Variants in MGAT4C observed in about 807,000 individuals in gnomAD.
MGAT4C encodes the protein alpha-1,3-mannosyl-glycoprotein 4-beta-N-acetylglucosaminyltransferase C.
MGAT4C carries 19 observed loss-of-function variants against 40.1 expected under a neutral mutation model. The ratio of observed to expected loss-of-function variants is 0.47; its 90% CI spans 0.33 to 0.70. The LOEUF (loss-of-function observed/expected upper bound fraction) is 0.70, where lower values mean the gene tolerates loss of function less well. Among genes scored for constraint, MGAT4C ranks in the 30% least tolerant of loss-of-function variants. The probability of loss-of-function intolerance (pLI) is 0.02; values close to 1 mark genes in which losing one functional copy is unlikely to be tolerated. For synonymous variants in MGAT4C, 181 were observed against 187.1 expected, an observed-to-expected ratio of 0.97 and a Z score of 0.27; for missense variants, 491 against 563.2, an observed-to-expected ratio of 0.87 and a Z score of 1.30.
intron 4 of MGAT4C, among the ~76,000 whole-genome samples, chr12:86,282,615 A>T (rs2406124): frequency 0.65 from 99,281 of 151,870 alleles, 33,234 homozygotes; most frequent in South Asian, 0.78. Context: ...TATCTAGTAA[A>T]TATTTATTAC....
chr12:86,557,680 C>A (rs773105146), intron 2 of MGAT4C, among the ~76,000 whole-genome samples: 1 of 152,092 alleles, frequency 6.6e-6, no homozygotes, highest in Non-Finnish European at 1.5e-5. Context: ...AGAATCAAAG[C>A]CAAAACACTG....
intron 4 of MGAT4C, among the ~76,000 whole-genome samples, chr12:86,294,326 A>T (rs1032376730): frequency 1.3e-5 from 2 of 150,340 alleles, no homozygotes; most frequent in Non-Finnish European, 2.9e-5. Context: ...TTCGTCTATC[A>T]TGGGGGAAAA....
At chr12:86,697,524 G>T (rs775622851) in intron 2 of MGAT4C, among the ~76,000 whole-genome samples, 3 of 151,870 alleles carry the variant, frequency 2.0e-5, no homozygotes, top group Admixed American at 2.0e-4. Context: ...TTTATCCAAG[G>T]TGTTACACAA....
Position 85,971,030 on chromosome 12 carries a change from T to C in MGAT4C, c.*8259A>G, listed in dbSNP as rs1565792550. 6.6e-6 allele frequency: 1 copy of C among 151,128 alleles called. No individual in the cohort carries two copies. Among genetic ancestry groups the C allele is most frequent in the Admixed American group, 6.6e-5 (1 of 15,116 alleles). 9.4% of individuals were successfully genotyped at this position (151,128 alleles called of 1,614,324 possible). A position where few individuals can be genotyped will look rare whatever the true frequency, so the allele number is the denominator to read the frequency against. ...AAAATTTCATATTATGAGAGCAATATGTAAATTTCATTGCAACAATGGTTA... is the reference window on the plus strand; with the variant it reads ...AAAATTTCATATTATGAGAGCAATACGTAAATTTCATTGCAACAATGGTTA... On this transcript the variant is annotated 3_prime_UTR_variant, in exon 5 of 5. Transcript: ENST00000611864.
intron 2 of MGAT4C, among the ~76,000 whole-genome samples, chr12:86,517,084 C>A (rs889148677): frequency 6.6e-6 from 1 of 152,098 alleles, no homozygotes; most frequent in Non-Finnish European, 1.5e-5. Context: ...TCATACATTG[C>A]AAGCAGGAGT....
At chr12:86,445,376 C>A (rs989244132) in intron 2 of MGAT4C, among the ~76,000 whole-genome samples, 2 of 152,072 alleles carry the variant, frequency 1.3e-5, no homozygotes, top group African/African-American at 4.8e-5. Flanking sequence ...TATTCATTCA[C>A]CATATTTAGC....
At chr12:86,275,442 C>T (rs1213838934) in intron 4 of MGAT4C, among the ~76,000 whole-genome samples, 1 of 152,090 alleles carries the variant, frequency 6.6e-6, no homozygotes, top group Non-Finnish European at 1.5e-5. Context: ...GTACAATGCC[C>T]AGCTGTTGTA....
intron 1 of MGAT4C, among the ~76,000 whole-genome samples, chr12:86,122,878 AT>A (rs1340975042): frequency 5.3e-5 from 8 of 152,174 alleles, no homozygotes; most frequent in Non-Finnish European, 5.9e-5. Flanking sequence ...ACACAGATAA[AT>A]TTTTATTTTT....
intron 2 of MGAT4C, among the ~76,000 whole-genome samples, chr12:86,491,495 G>A (rs1202006095): frequency 2.6e-4 from 39 of 151,824 alleles, no homozygotes; most frequent in Middle Eastern, 3.4e-3. Flanking sequence ...TTCAATATAC[G>A]CAAATCAATA....
At chr12:86,468,263 G>A (rs183460530) in intron 2 of MGAT4C, among the ~76,000 whole-genome samples, 2 of 152,074 alleles carry the variant, frequency 1.3e-5, no homozygotes, top group African/African-American at 2.4e-5. Context: ...CAATAACCTT[G>A]CAGGCCAAAC....
chr12:86,779,368 G>A (rs1951796480), intron 1 of MGAT4C, among the ~76,000 whole-genome samples: 1 of 152,068 alleles, frequency 6.6e-6, no homozygotes, highest in Non-Finnish European at 1.5e-5. Flanking sequence ...GCCAACGTGG[G>A]AGGATCACTT....
intron 1 of MGAT4C, among the ~76,000 whole-genome samples, chr12:86,772,982 G>T (rs1464206526): frequency 6.6e-6 from 1 of 152,090 alleles, no homozygotes; most frequent in Non-Finnish European, 1.5e-5. Context: ...AGGGGCTGCT[G>T]GGATGGGGTG....
intron 1 of MGAT4C, among the ~76,000 whole-genome samples, chr12:86,140,654 AAAAAT>A (rs956352831): frequency 4.6e-5 from 7 of 152,124 alleles, no homozygotes; most frequent in Admixed American, 3.3e-4. Flanking sequence ...AAAGTATAAT[AAAAAT>A]AAAATAAAAT....
At chr12:86,056,734 G>A (rs537374095) in intron 1 of MGAT4C, among the ~76,000 whole-genome samples, 38 of 152,064 alleles carry the variant, frequency 2.5e-4, no homozygotes, top group South Asian at 8.3e-4. Context: ...TTTATAATCC[G>A]TTGGGTATAT....
At chr12:86,365,097 C>G (rs555787226) in intron 3 of MGAT4C, among the ~76,000 whole-genome samples, 1 of 152,096 alleles carries the variant, frequency 6.6e-6, no homozygotes, top group Non-Finnish European at 1.5e-5. Context: ...CCATAAAAGA[C>G]GGCCGCCCCC....
intron 3 of MGAT4C, among the ~76,000 whole-genome samples, chr12:86,425,157 T>G (rs1956902117): frequency 6.6e-6 from 1 of 152,174 alleles, no homozygotes; most frequent in South Asian, 2.1e-4. Context: ...GGCAGCAATG[T>G]GGTGGCTCCA....
chr12:86,021,999 G>A (rs577219038), intron 2 of MGAT4C, among the ~76,000 whole-genome samples: 13 of 152,030 alleles, frequency 8.6e-5, no homozygotes, highest in Admixed American at 2.6e-4. Context: ...CTCAGATTAC[G>A]AATCATTTTC....
intron 1 of MGAT4C, among the ~76,000 whole-genome samples, chr12:86,736,624 C>A (rs960535828): frequency 6.6e-6 from 1 of 151,728 alleles, no homozygotes; most frequent in Non-Finnish European, 1.5e-5. Flanking sequence ...ATCATGAGCA[C>A]TAACTCACAT....
chr12:86,259,436 T>TA (rs1229759021), upstream of MGAT4C, among the ~76,000 whole-genome samples: 4 of 151,824 alleles, frequency 2.6e-5, no homozygotes, highest in Admixed American at 6.6e-5. Flanking sequence ...TTACAAAATG[T>TA]AAAAAAAATT....
Sources: gnomAD v4.1 joint callset for allele counts (sites outside exome capture counted in the v4.1 genomes callset) on GRCh38, gnomAD v4.1.1 for gene constraint, MANE v1.5 for transcripts, NCBI Gene and HGNC (gene_info 2026-07-23, HGNC 2026-07-21) for gene names.